Variants in TBX15 observed in about 807,000 individuals in gnomAD.
TBX15 encodes the protein T-box transcription factor TBX15.
TBX15 carries 18 observed loss-of-function variants against 53.9 expected under a neutral mutation model. The ratio of observed to expected loss-of-function variants is 0.33; its 90% CI spans 0.23 to 0.49. The LOEUF (loss-of-function observed/expected upper bound fraction) is 0.49. TBX15 is among the 20% of genes least tolerant of loss of function. The pLI is 0.98. For missense variants in TBX15, 692 were observed against 749.5 expected (o/e 0.92, Z 0.90); for synonymous variants, 295 against 278.0 (o/e 1.06, Z -0.61).
At chr1:118,918,411 T>C (rs1160827703) in intron 5 of TBX15, among the ~76,000 whole-genome samples, 1 of 152,108 alleles carries the variant, frequency 6.6e-6, no homozygotes, top group Admixed American at 6.6e-5. Flanking sequence ...AAAACCATGA[T>C]AAGCTTCAGA....
chr1:118,987,837 G>T lies in TBX15; in HGVS notation c.-42C>A. 2 of 1,543,824 alleles carry T rather than the reference G, an allele frequency of 1.3e-6. No individual in the cohort carries two copies. Among genetic ancestry groups the T allele is most frequent in the Non-Finnish European group, 1.7e-6 (2 of 1,144,044 alleles). ...CCTGCCTCCGCTTGCCCCCGCTACC[G>T]AGGGAGCAGCCGGCGCCCTCAAGCT... On this transcript the variant is annotated 5_prime_UTR_variant, in exon 1 of 8. Transcript: ENST00000369429.
At chr1:118,985,254 G>A (rs1657792237) in intron 1 of TBX15, among the ~76,000 whole-genome samples, 1 of 152,182 alleles carries the variant, frequency 6.6e-6, no homozygotes, top group South Asian at 2.1e-4. Context: ...GCTCACCCGG[G>A]AAGAGACGCT....
At chr1:118,894,485 A>T (rs970494375) in intron 7 of TBX15, among the ~76,000 whole-genome samples, 4 of 152,122 alleles carry the variant, frequency 2.6e-5, no homozygotes, top group Admixed American at 2.0e-4. Context: ...AGGTGCAAAG[A>T]TGTGTGTTTT....
rs777074656 is a variant in TBX15 at position 118,931,814 on chromosome 1, C to A, written c.224G>T (p.Gly75Val). 6.3e-7 allele frequency: 1 copy of A among 1,583,334 alleles called. No homozygotes were observed. The change falls in exon 2 of 8, where the codon GGT becomes GTT. Residue 75 changes from glycine to valine, a missense_variant. Coordinates refer to ENST00000369429, the MANE Select transcript of TBX15 (RefSeq NM_001330677.2). ...EPHPDSEQST[G>V]SDSEVLTERT... is the part of the protein sequence containing the mutation. ...CTCAGTGAGGACCTCAGAATCTGAACCAGTGCTCTGCTCAGAATCTGCAAA... is the reference window on the plus strand; with the variant it reads ...CTCAGTGAGGACCTCAGAATCTGAAACAGTGCTCTGCTCAGAATCTGCAAA...
intron 1 of TBX15, among the ~76,000 whole-genome samples, chr1:118,963,866 A>G (rs1656955804): frequency 6.6e-6 from 1 of 152,206 alleles, no homozygotes; most frequent in African/African-American, 2.4e-5. Flanking sequence ...TGCACACTGG[A>G]GCCTGTCCTC....
chr1:118,984,889 C>G (rs1026372950), intron 1 of TBX15, among the ~76,000 whole-genome samples: 1 of 152,100 alleles, frequency 6.6e-6, no homozygotes, highest in Non-Finnish European at 1.5e-5. Context: ...TGCGGGTGCT[C>G]GGGCGCCAAC....
intron 1 of TBX15, among the ~76,000 whole-genome samples, chr1:118,984,999 A>G (rs1018951991): frequency 1.3e-5 from 2 of 152,060 alleles, no homozygotes; most frequent in African/African-American, 4.8e-5. Context: ...CTGACCCTAG[A>G]GTTGTCTAAA....
chr1:118,885,543 G>A lies in TBX15; in HGVS notation c.1025-27C>T, dbSNP rs1310359381. 3 of 1,554,728 alleles carry A rather than the reference G, an allele frequency of 1.9e-6. No homozygotes were observed. The African/African-American group carries it at 4.1e-5, about 21-fold the overall frequency. ...TGAAAAATAAAACGTGAATACTATTGAGACAGAGTCTTTTAAGATGAGTCT... is the reference window on the plus strand; with the variant it reads ...TGAAAAATAAAACGTGAATACTATTAAGACAGAGTCTTTTAAGATGAGTCT... On this transcript the variant is annotated intron_variant, in intron 7 of 7. Coordinates refer to ENST00000369429, the MANE Select transcript of TBX15 (RefSeq NM_001330677.2).
At chr1:118,907,485 A>G (rs529272050) in intron 6 of TBX15, among the ~76,000 whole-genome samples, 1 of 152,336 alleles carries the variant, frequency 6.6e-6, no homozygotes, top group South Asian at 2.1e-4. Context: ...CAGCCACCCT[A>G]TCAAGGATGG....
chr1:118,979,671 T>A (rs1403372449), intron 1 of TBX15, among the ~76,000 whole-genome samples: 1 of 152,192 alleles, frequency 6.6e-6, no homozygotes, highest in Non-Finnish European at 1.5e-5. Context: ...TTGGGGGGTG[T>A]CTTTCACCAG....
rs1557872549 is a variant in TBX15 at position 118,893,360 on chromosome 1, A to AAGGAAG, written c.1024+5667_1024+5668insCTTCCT. Among the ~76,000 whole-genome samples, 93 of 28,168 alleles carry AAGGAAG rather than the reference A, an allele frequency of 3.3e-3. 6 individuals carry two copies. Among genetic ancestry groups the AAGGAAG allele is most frequent in the African/African-American group, 0.014 (88 of 6,284 alleles). The allele number at this position is 28,168 out of a possible 152,430, so 18.5% of individuals were successfully genotyped here. A position where few individuals can be genotyped will look rare whatever the true frequency, so the allele number is the denominator to read the frequency against. ...AGGAAGGAAGGAAGGAAGGAAGGAA[A>AAGGAAG]GAAAGAAAGAAAGAAAGAAAGAAAG... On this transcript the variant is annotated intron_variant, in intron 7 of 7. Coordinates refer to ENST00000369429, the MANE Select transcript of TBX15 (RefSeq NM_001330677.2).
At chr1:118,956,536 C>T (rs1656695174) in intron 1 of TBX15, among the ~76,000 whole-genome samples, 1 of 152,114 alleles carries the variant, frequency 6.6e-6, no homozygotes, top group Non-Finnish European at 1.5e-5. Flanking sequence ...TTTCTGTAAA[C>T]TTAAAATTAC....
intron 7 of TBX15, chr1:118,890,782 C>T: frequency 4.0e-6 from 3 of 750,994 alleles, no homozygotes; most frequent in Non-Finnish European, 3.8e-6. Flanking sequence ...TTTTGCTGTG[C>T]TTTTCTCCCT....
intron 6 of TBX15, among the ~76,000 whole-genome samples, chr1:118,899,339 C>T (rs1185238232): frequency 6.6e-6 from 1 of 152,074 alleles, no homozygotes; most frequent in African/African-American, 2.4e-5. Flanking sequence ...CATTTGCAAG[C>T]AAATCTACAA....
intron 4 of TBX15, 99 bp from the exon 5 acceptor site, chr1:118,923,702 A>G: frequency 2.1e-6 from 3 of 1,420,422 alleles, no homozygotes; most frequent in Non-Finnish European, 2.0e-6. Context: ...CTATAGGAAA[A>G]GCACAGATTG....
At chr1:118,962,321 T>C (rs546995259) in intron 1 of TBX15, among the ~76,000 whole-genome samples, 1 of 152,304 alleles carries the variant, frequency 6.6e-6, no homozygotes, top group Admixed American at 6.5e-5. Context: ...AACTTCTGGT[T>C]GCCTACATAA....
intron 1 of TBX15, among the ~76,000 whole-genome samples, chr1:118,974,910 G>A (rs1657375295): frequency 6.6e-6 from 1 of 152,164 alleles, no homozygotes; most frequent in East Asian, 1.9e-4. Flanking sequence ...CCATGGCAAA[G>A]GGATTTCAGC....
At chr1:118,961,063 C>A (rs973486422) in intron 1 of TBX15, among the ~76,000 whole-genome samples, 5 of 152,078 alleles carry the variant, frequency 3.3e-5, no homozygotes, top group African/African-American at 1.2e-4. Flanking sequence ...AGTGGTGGCC[C>A]CCAAGGACTG....
At chr1:118,901,857 C>A (rs573066752) in intron 6 of TBX15, among the ~76,000 whole-genome samples, 207 of 152,260 alleles carry the variant, frequency 1.4e-3, no homozygotes, top group Non-Finnish European at 2.4e-3. Context: ...AGCAGGGAGA[C>A]CTTCCTTAGC....
Sources: gnomAD v4.1 joint callset for allele counts (sites outside exome capture counted in the v4.1 genomes callset) on GRCh38, gnomAD v4.1.1 for gene constraint, MANE v1.5 for transcripts, NCBI Gene and HGNC (gene_info 2026-07-23, HGNC 2026-07-21) for gene names.